The following FGFR4 variants were observed in gnomAD, a reference collection of about 807,000 sequenced individuals.
The protein encoded by FGFR4 is hydroxyaryl-protein kinase.
A neutral mutation model predicts 89.9 loss-of-function variants in FGFR4; 63 were observed. The ratio of observed to expected loss-of-function variants is 0.70; its 90% confidence interval spans 0.57 to 0.86. The LOEUF (loss-of-function observed/expected upper bound fraction) is 0.86, where lower values mean the gene tolerates loss of function less well. FGFR4 is among the 40% of genes least tolerant of loss of function. The pLI is 0.00. For synonymous variants in FGFR4, 486 were observed against 479.4 expected, an observed-to-expected ratio of 1.01 and a Z score of -0.18; for missense variants, 928 against 1,106.7, an observed-to-expected ratio of 0.84 and a Z score of 2.29.
In FGFR4 at chr5:177,091,055, T is replaced by C. The variant is rs1784350788; in HGVS notation, c.554T>C (p.Leu185Pro). The C allele has an allele frequency of 6.2e-7, 1 of 1,604,232 alleles. No individual in the cohort carries two copies. The change falls in exon 5 of 18, where the codon CTT becomes CCT. Residue 185 changes from leucine (L) to proline (P), a missense_variant. Transcript: ENST00000292408. Reference sequence around the variant, plus strand: ...AACCCCACGCCCACCATCCGCTGGCTTAAGGATGGACAGGCCTTTCATGGG... The same window carrying C: ...AACCCCACGCCCACCATCCGCTGGCCTAAGGATGGACAGGCCTTTCATGGG... ...AGNPTPTIRW[L>P]KDGQAFHGEN...
At chr5:177,090,908 T>A (rs2149731589) in intron 4 of FGFR4, 30 bp from the exon 5 acceptor site, 1 of 1,614,094 alleles carries the variant, frequency 6.2e-7, no homozygotes. Flanking sequence ...GAACACACGG[T>A]CATTCTAGGG....
intron 2 of FGFR4, 149 bp downstream of exon 2, chr5:177,089,842 A>C: frequency 1.0e-6 from 1 of 984,420 alleles, no homozygotes; most frequent in Non-Finnish European, 1.6e-6. Context: ...AGACTCAGTC[A>C]GTGCCTGGCT....
At position 177,087,652 on chromosome 5, in the gene FGFR4, C is replaced by T. The variant is rs1371934285; in HGVS notation, c.-54+575C>T. On this transcript the variant is annotated intron_variant, in intron 1 of 17. Coordinates refer to ENST00000292408, the MANE Select transcript of FGFR4 (RefSeq NM_213647.3). This position sits in a 1 kb window ranked among gnomAD's most constrained non-coding sequence, Gnocchi z 6.1. ...CAGCCTGGGGTAGGAATAAACTCCC[C>T]GGGCCTCCCCACCCACTCCCAGCCC... 1 of 984,928 alleles carries T rather than the reference C, an allele frequency of 1.0e-6. No individual in the cohort carries two copies. The highest frequency in any genetic ancestry group is 1.7e-5 in the African/African-American group (1 of 57,208). 61.0% of individuals were successfully genotyped at this position (984,928 alleles called of 1,614,324 possible).
rs1471204215 is a variant in FGFR4 at position 177,095,553 on chromosome 5, G to T, written c.1651G>T (p.Glu551Ter). Residue 551 changes from glutamate to a stop codon, truncating the protein, a stop_gained, in exon 13 of 18, where the codon GAG becomes TAG. Transcript: ENST00000292408. LOFTEE classifies it high-confidence loss of function. This position sits in a 1 kb window ranked among gnomAD's most constrained non-coding sequence, Gnocchi z 5.7. ...TQEGPLYVIV[E>*]CAAKGNLREF... ...TGCAGGGCCCCTGTACGTGATCGTG[G>T]AGTGCGCCGCCAAGGGAAACCTGCG... 2 of 1,610,262 alleles carry T rather than the reference G, an allele frequency of 1.2e-6. No individual in the cohort carries two copies. Among genetic ancestry groups the T allele is most frequent in the African/African-American group, 2.7e-5 (2 of 74,824 alleles).
At position 177,095,667 on chromosome 5, in the gene FGFR4, C is replaced by G; in HGVS notation, c.1765C>G (p.Leu589Val). The change falls in exon 13 of 18, where the codon CTG (leucine) becomes GTG (valine). Residue 589 changes from leucine to valine, a missense_variant. Physicochemically the swap from Leu to Val is conservative, Grantham distance 32. This residue lies in a region of FGFR4 where 741 missense variants were observed against 836.9 expected (regional missense o/e 0.89). Coordinates refer to ENST00000292408, the MANE Select transcript of FGFR4 (RefSeq NM_213647.3). The surrounding 1 kb of genome is among the most constrained non-coding windows in gnomAD (Gnocchi z 5.7). ...TGAGGGGCCGCTCTCCTTCCCAGTC[C>G]TGGTCTCCTGCGCCTACCAGGTGGC... Reference protein sequence around the residue: ...SSEGPLSFPVLVSCAYQVARG... With the variant: ...SSEGPLSFPVVVSCAYQVARG... The G allele has an allele frequency of 1.9e-6, 3 of 1,609,266 alleles. No homozygotes were observed. Among genetic ancestry groups the G allele is most frequent in the Non-Finnish European group, 2.5e-6 (3 of 1,178,938 alleles).
At chr5:177,089,808 C>T (rs549672224) in intron 2 of FGFR4, 115 bp downstream of exon 2, 279 of 1,372,448 alleles carry the variant, frequency 2.0e-4, no homozygotes, top group Middle Eastern at 1.1e-3. Flanking sequence ...GAGAAGGTGG[C>T]GGCAGGGCAG....
chr5:177,089,832 A>ACT, intron 2 of FGFR4, 139 bp downstream of exon 2: 2 of 1,047,916 alleles, frequency 1.9e-6, no homozygotes, highest in Non-Finnish European at 2.9e-6. Context: ...TCAACCACTG[A>ACT]GACTCAGTCA....
At position 177,093,199 on chromosome 5, in the gene FGFR4, C is replaced by G. The variant is rs148602732; in HGVS notation, c.1119C>G (p.Tyr373Ter). 1 of 1,613,130 alleles carries G rather than the reference C, an allele frequency of 6.2e-7. No individual in the cohort carries two copies. Among genetic ancestry groups the G allele is most frequent in the Non-Finnish European group, 8.5e-7 (1 of 1,179,222 alleles). Reference sequence around the variant, plus strand: ...CCAGGTATACGGACATCATCCTGTACGCGTCGGGCTCCCTGGCCTTGGCTG... The same window carrying G: ...CCAGGTATACGGACATCATCCTGTAGGCGTCGGGCTCCCTGGCCTTGGCTG... ...PEARYTDIIL[Y>*]ASGSLALAVL... Residue 373 changes from tyrosine (Y) to a stop codon, truncating the protein, a stop_gained, in exon 9 of 18, where the codon TAC (tyrosine) becomes TAG (stop). Coordinates refer to ENST00000292408, the MANE Select transcript of FGFR4 (RefSeq NM_213647.3). LOFTEE classifies it high-confidence loss of function. This position sits in a 1 kb window ranked among gnomAD's most constrained non-coding sequence, Gnocchi z 5.8.
At position 177,089,607 on chromosome 5, in the gene FGFR4, G is replaced by A. The variant is rs141355998; in HGVS notation, c.5G>A (p.Arg2Gln). ...CCTGAGAGCTGTGAGAAGGAGATGC[G>A]GCTGCTGCTGGCCCTGTTGGGGGTC... M[R>Q]LLLALLGVLL... Residue 2 changes from arginine (R) to glutamine (Q), a missense_variant, in exon 2 of 18, where the codon CGG (arginine) becomes CAG (glutamine). Arg to Gln is a conservative substitution (Grantham distance 43). Coordinates refer to ENST00000292408, the MANE Select transcript of FGFR4 (RefSeq NM_213647.3). The A allele has an allele frequency of 1.4e-5, 23 of 1,613,158 alleles. No homozygotes were observed. The highest frequency in any genetic ancestry group is 5.3e-5 in the African/African-American group (4 of 74,910).
In FGFR4 at chr5:177,093,446, C is replaced by A; in HGVS notation, c.1292C>A (p.Ser431Tyr). The A allele has an allele frequency of 6.2e-7, 1 of 1,614,098 alleles. No individual in the cohort carries two copies. Among genetic ancestry groups the A allele is most frequent in the African/African-American group, 1.3e-5 (1 of 75,070 alleles). The change falls in exon 10 of 18, where the codon TCC (serine) becomes TAC (tyrosine). Residue 431 changes from serine to tyrosine, a missense_variant. Transcript: ENST00000292408. This position sits in a 1 kb window ranked among gnomAD's most constrained non-coding sequence, Gnocchi z 5.8. ...ESGSSGKSSS[S>Y]LVRGVRLSSS... is the part of the protein sequence containing the mutation. ...GGCTCTTCCGGCAAGTCAAGCTCATCCCTGGTACGAGGCGTGCGTCTCTCC... is the reference window on the plus strand; with the variant it reads ...GGCTCTTCCGGCAAGTCAAGCTCATACCTGGTACGAGGCGTGCGTCTCTCC...
intron 7 of FGFR4, 54 bp downstream of exon 7, chr5:177,092,565 T>TG (rs45615234): frequency 2.6e-6 from 4 of 1,565,656 alleles, no homozygotes; most frequent in Admixed American, 1.8e-5. Flanking sequence ...CACCTTGGGT[T>TG]GGGGGGCTCC....
chr5:177,093,903 C>T lies in FGFR4; in HGVS notation c.1519+128C>T. ...GCAACATGGCAAGACTTCATCTCTA[C>T]AAAAAAAAAATAAGAAAATTAGTTG... On this transcript the variant is annotated intron_variant, in intron 11 of 17. Transcript: ENST00000292408. This position sits in a 1 kb window ranked among gnomAD's most constrained non-coding sequence, Gnocchi z 5.8. 2.1e-6 allele frequency: 2 copies of T among 945,658 alleles called. No homozygotes were observed. Among genetic ancestry groups the T allele is most frequent in the Non-Finnish European group, 2.9e-6 (2 of 686,846 alleles). 58.6% of individuals were successfully genotyped at this position (945,658 alleles called of 1,614,324 possible).
At position 177,093,600 on chromosome 5, in the gene FGFR4, C is replaced by G. The variant is rs746306871; in HGVS notation, c.1397+49C>G. ...GGGACGCGGGCGCCGGGTTGCAGCC[C>G]GCCCTCCGCAGGAGTGACTCGGAGG... On this transcript the variant is annotated intron_variant, in intron 10 of 17. Coordinates refer to ENST00000292408, the MANE Select transcript of FGFR4 (RefSeq NM_213647.3). This position sits in a 1 kb window ranked among gnomAD's most constrained non-coding sequence, Gnocchi z 5.8. 3.1e-6 allele frequency: 5 copies of G among 1,612,626 alleles called. No homozygotes were observed. In the East Asian group the frequency reaches 8.9e-5, roughly 29 times the overall value.
At chr5:177,092,287 G>A (rs1226108466) in intron 6 of FGFR4, 34 bp from the exon 7 acceptor site, 1 of 1,511,248 alleles carries the variant, frequency 6.6e-7, no homozygotes, top group Admixed American at 2.2e-5. Context: ...ATGGGTGCCG[G>A]TGGTCAGGGT....
chr5:177,095,304 C>A lies in FGFR4; in HGVS notation c.1520-26C>A, dbSNP rs1330446419. On this transcript the variant is annotated intron_variant, in intron 11 of 17. Coordinates refer to ENST00000292408, the MANE Select transcript of FGFR4 (RefSeq NM_213647.3). This position sits in a 1 kb window ranked among gnomAD's most constrained non-coding sequence, Gnocchi z 5.7. ...CCCTCGTGCAGTTGGAGGGCAGCCT[C>A]TTCACCCCGTCTGCTGCCCTTACAG... The A allele has an allele frequency of 1.3e-6, 2 of 1,592,492 alleles. No homozygotes were observed. The highest frequency in any genetic ancestry group is 1.3e-5 in the African/African-American group (1 of 74,508).
At chr5:177,090,252 TG>T in intron 2 of FGFR4, 137 bp from the exon 3 acceptor site, 1 of 1,222,876 alleles carries the variant, frequency 8.2e-7, no homozygotes, top group Non-Finnish European at 1.2e-6. Flanking sequence ...TGTGGCTGTG[TG>T]GGTGTCAAGG....
chr5:177,090,923 T>C lies in FGFR4; in HGVS notation c.437-15T>C. The C allele has an allele frequency of 1.2e-6, 2 of 1,614,052 alleles. No homozygotes were observed. The highest frequency in any genetic ancestry group is 2.2e-5 in the East Asian group (1 of 44,868). ...GAACACACGGTCATTCTAGGGGCCTTCCCCTGCCCTCCAGCACCCTACTGG... is the reference window on the plus strand; with the variant it reads ...GAACACACGGTCATTCTAGGGGCCTCCCCCTGCCCTCCAGCACCCTACTGG... On this transcript the variant is annotated splice_polypyrimidine_tract_variant and intron_variant, in intron 4 of 17. Transcript: ENST00000292408.
Position 177,091,747 on chromosome 5 carries a change from C to T in FGFR4, c.666C>T (p.Tyr222=). 6.2e-7 allele frequency: 1 copy of T among 1,614,224 alleles called. No homozygotes were observed. Among genetic ancestry groups the T allele is most frequent in the Non-Finnish European group, 8.5e-7 (1 of 1,180,044 alleles). ...ESVVPSDRGT[Y]TCLVENAVGS... is the part of the protein sequence containing the mutation. ...TGGTGCCCTCGGACCGCGGCACATA[C>T]ACCTGCCTGGTAGAGAACGCTGTGG... Residue 222 remains tyrosine, a synonymous_variant, in exon 6 of 18, where the codon TAC becomes TAT. Transcript: ENST00000292408.
At position 177,093,834 on chromosome 5, in the gene FGFR4, G is replaced by A. The variant is rs1191801569; in HGVS notation, c.1519+59G>A. On this transcript the variant is annotated intron_variant, in intron 11 of 17. Transcript: ENST00000292408. This position sits in a 1 kb window ranked among gnomAD's most constrained non-coding sequence, Gnocchi z 5.8. ...TAACGCCAGCACTTTAGGAGGCTGA[G>A]GGTGGGAGGATCGCTTGAATCCAGG... The A allele has an allele frequency of 1.3e-6, 2 of 1,555,964 alleles. No individual in the cohort carries two copies. Among genetic ancestry groups the A allele is most frequent in the East Asian group, 2.3e-5 (1 of 43,280 alleles).
Sources: allele counts gnomAD v4.1 joint callset, GRCh38; gene constraint gnomAD v4.1.1; regional missense constraint gnomAD v4.1.1; non-coding constraint Gnocchi (gnomAD v3.1); transcripts MANE v1.5; gene names NCBI Gene and HGNC (gene_info 2026-07-23, HGNC 2026-07-21).